The following NAALADL2 variants were observed in gnomAD, a reference collection of about 807,000 sequenced individuals.
The protein encoded by NAALADL2 is N-acetylated alpha-linked acidic dipeptidase like 2.
In NAALADL2, 76 loss-of-function variants were observed where a neutral mutation model predicts 87.2. The ratio of observed to expected loss-of-function variants is 0.87; its 90% CI spans 0.72 to 1.05. NAALADL2 has a LOEUF of 1.05. NAALADL2 is among the 50% of genes least tolerant of loss of function. The probability of loss-of-function intolerance (pLI) is 0.00; values close to 1 mark genes in which losing one functional copy is unlikely to be tolerated. For missense variants in NAALADL2, 1,089 were observed against 945.8 expected, an observed-to-expected ratio of 1.15 and a Z score of -1.99; for synonymous variants, 354 against 331.0, an observed-to-expected ratio of 1.07 and a Z score of -0.75.
intron 2 of NAALADL2, among the ~76,000 whole-genome samples, chr3:174,577,957 T>C (rs138847001): frequency 6.6e-6 from 1 of 151,916 alleles, no homozygotes; most frequent in Non-Finnish European, 1.5e-5. Context: ...AAATGGAAAT[T>C]TTAGAACCAG....
chr3:175,011,210 A>G (rs1391174474), intron 1 of NAALADL2, among the ~76,000 whole-genome samples: 10 of 151,678 alleles, frequency 6.6e-5, no homozygotes, highest in African/African-American at 2.4e-4. Context: ...AAGGGCTTCT[A>G]ACATGATCTT....
intron 12 of NAALADL2, among the ~76,000 whole-genome samples, chr3:175,739,475 A>G (rs1056559671): frequency 6.6e-6 from 1 of 152,184 alleles, no homozygotes; most frequent in South Asian, 2.1e-4. Context: ...AAAATGACCT[A>G]TTGGGTTATT....
chr3:174,560,382 T>G (rs904615616), intron 2 of NAALADL2, among the ~76,000 whole-genome samples: 2 of 152,192 alleles, frequency 1.3e-5, no homozygotes, highest in Admixed American at 6.5e-5. Context: ...TTAGAGAAAA[T>G]GAGTAACTTG....
At chr3:174,460,498 T>C (rs1481733044) in intron 1 of NAALADL2, among the ~76,000 whole-genome samples, 1 of 152,048 alleles carries the variant, frequency 6.6e-6, no homozygotes, top group Non-Finnish European at 1.5e-5. Flanking sequence ...TTCAGAAAGC[T>C]TAGAAGCATA....
intron 4 of NAALADL2, among the ~76,000 whole-genome samples, chr3:175,286,819 C>T (rs770011305): frequency 5.3e-5 from 8 of 152,160 alleles, no homozygotes; most frequent in East Asian, 1.9e-4. Context: ...AGGCTGGATG[C>T]GGTAACTCAT....
At chr3:175,119,537 A>G (rs1331771333) in intron 2 of NAALADL2, among the ~76,000 whole-genome samples, 1 of 151,164 alleles carries the variant, frequency 6.6e-6, no homozygotes, top group African/African-American at 2.4e-5. Flanking sequence ...AGAGGGAGAG[A>G]GAGAGTGAGA....
At chr3:174,515,027 T>G (rs73882410) in intron 1 of NAALADL2, among the ~76,000 whole-genome samples, 2,123 of 152,244 alleles carry the variant, frequency 0.014, 48 homozygotes, top group African/African-American at 0.049. Flanking sequence ...TTTAATACTC[T>G]AAATATATTT....
At chr3:174,913,565 T>C (rs1733987106) in intron 1 of NAALADL2, among the ~76,000 whole-genome samples, 1 of 152,176 alleles carries the variant, frequency 6.6e-6, no homozygotes, top group African/African-American at 2.4e-5. Flanking sequence ...CACCTCAGGC[T>C]ACTCATTAGT....
chr3:175,691,939 C>T (rs1350490013), intron 11 of NAALADL2, among the ~76,000 whole-genome samples: 2 of 152,116 alleles, frequency 1.3e-5, no homozygotes, highest in African/African-American at 4.8e-5. Flanking sequence ...GTAAACCTTT[C>T]ACCTTCAGGA....
At chr3:174,532,842 T>A (rs1721366685) in intron 1 of NAALADL2, among the ~76,000 whole-genome samples, 1 of 152,104 alleles carries the variant, frequency 6.6e-6, no homozygotes, top group African/African-American at 2.4e-5. Context: ...TTATTGAGGA[T>A]TTGGAGGGTC....
At chr3:174,690,368 T>C (rs975463369) in intron 2 of NAALADL2, among the ~76,000 whole-genome samples, 3 of 152,186 alleles carry the variant, frequency 2.0e-5, no homozygotes, top group African/African-American at 7.2e-5. Flanking sequence ...TTTTAAAAGT[T>C]TTACGAGTAT....
chr3:175,115,825 A>ATTT (rs1725033477), intron 2 of NAALADL2, among the ~76,000 whole-genome samples: 1 of 151,864 alleles, frequency 6.6e-6, no homozygotes, highest in Admixed American at 6.6e-5. Flanking sequence ...ACATCGATGC[A>ATTT]AAAATCCTCA....
At chr3:174,441,392 T>A (rs1714605782) in intron 1 of NAALADL2, among the ~76,000 whole-genome samples, 1 of 152,054 alleles carries the variant, frequency 6.6e-6, no homozygotes, top group South Asian at 2.1e-4. Context: ...CAGCTCCGAG[T>A]CCCCGCTTCT....
At chr3:175,311,786 A>C (rs1218101411) in intron 4 of NAALADL2, among the ~76,000 whole-genome samples, 1 of 151,800 alleles carries the variant, frequency 6.6e-6, no homozygotes, top group Non-Finnish European at 1.5e-5. Flanking sequence ...GATTATATTC[A>C]GAACTCTGCA....
At chr3:174,925,515 G>A (rs1270285258) in intron 1 of NAALADL2, among the ~76,000 whole-genome samples, 1 of 152,142 alleles carries the variant, frequency 6.6e-6, no homozygotes, top group Non-Finnish European at 1.5e-5. Flanking sequence ...GATGCCTCCA[G>A]CTTTGTTCTT....
intron 11 of NAALADL2, among the ~76,000 whole-genome samples, chr3:175,670,015 A>T (rs1474933764): frequency 4.6e-5 from 7 of 152,054 alleles, no homozygotes; most frequent in African/African-American, 1.7e-4. Context: ...TAGCAAACAC[A>T]AATGTAGAGC....
chr3:174,561,925 T>C (rs1382906016), intron 2 of NAALADL2, among the ~76,000 whole-genome samples: 2 of 152,192 alleles, frequency 1.3e-5, no homozygotes, highest in East Asian at 1.9e-4. Flanking sequence ...TTTATTTTTG[T>C]AAAAATGTTC....
intron 11 of NAALADL2, among the ~76,000 whole-genome samples, chr3:175,706,833 G>C (rs553406169): frequency 1.3e-5 from 2 of 151,972 alleles, no homozygotes; most frequent in Admixed American, 6.6e-5. Context: ...CACAGATCTT[G>C]GACACTCAAG....
chr3:175,780,716 A>C (rs1302757107), intron 13 of NAALADL2, among the ~76,000 whole-genome samples: 1 of 152,234 alleles, frequency 6.6e-6, no homozygotes. Flanking sequence ...TAAAAAAGAT[A>C]AAGCAAAATT....
Sources: allele counts gnomAD v4.1 joint callset (sites outside exome capture counted in the v4.1 genomes callset), GRCh38; gene constraint gnomAD v4.1.1; transcripts MANE v1.5; gene names NCBI Gene and HGNC (gene_info 2026-07-23, HGNC 2026-07-21).